The following GAS2 variants were observed in gnomAD, a reference collection of about 807,000 sequenced individuals.
GAS2 encodes growth arrest-specific protein 2.
In GAS2, 20 loss-of-function variants were observed where a neutral mutation model predicts 37.5. That is an observed-to-expected ratio of 0.53 (90% CI 0.37 to 0.77). The LOEUF is 0.77. Ranked by LOEUF, GAS2 falls within the 30% of genes least tolerant of loss-of-function variation. The pLI, the probability that GAS2 is intolerant of heterozygous loss-of-function variation, is 0.00. For synonymous variants in GAS2, 144 were observed against 132.2 expected, an observed-to-expected ratio of 1.09 and a Z score of -0.61; for missense variants, 336 against 373.4, an observed-to-expected ratio of 0.90 and a Z score of 0.82.
chr11:22,641,258 T>A (rs1311583199), intron 1 of GAS2, among the ~76,000 whole-genome samples: 4 of 144,006 alleles, frequency 2.8e-5, no homozygotes, highest in Non-Finnish European at 6.0e-5. Context: ...ATATATATCT[T>A]TATATATATA....
intron 7 of GAS2, among the ~76,000 whole-genome samples, chr11:22,763,964 A>G (rs186603841): frequency 6.6e-6 from 1 of 152,186 alleles, no homozygotes; most frequent in Non-Finnish European, 1.5e-5. Flanking sequence ...TTGCTTCACT[A>G]AAGACACTCT....
At chr11:22,783,653 C>CT (rs1025114419) in intron 7 of GAS2, among the ~76,000 whole-genome samples, 1 of 151,482 alleles carries the variant, frequency 6.6e-6, no homozygotes, top group Admixed American at 6.6e-5. Flanking sequence ...CACTTACTTA[C>CT]TTTTTTTGAG....
intron 5 of GAS2, among the ~76,000 whole-genome samples, chr11:22,738,235 GAT>G (rs1852858021): frequency 6.6e-6 from 1 of 152,142 alleles, no homozygotes; most frequent in Admixed American, 6.5e-5. Context: ...TGACTAGGAT[GAT>G]AGTTTTAAAA....
chr11:22,783,428 T>C (rs536872892), intron 7 of GAS2, among the ~76,000 whole-genome samples: 1 of 152,320 alleles, frequency 6.6e-6, no homozygotes, highest in Admixed American at 6.5e-5. Flanking sequence ...TCTTCTTTCG[T>C]AGAAGCTCTT....
At chr11:22,655,264 G>A (rs927076504) in intron 1 of GAS2, among the ~76,000 whole-genome samples, 8 of 152,110 alleles carry the variant, frequency 5.3e-5, no homozygotes, top group African/African-American at 1.7e-4. Flanking sequence ...CTCTCCCATG[G>A]AATGTCATCT....
intron 1 of GAS2, among the ~76,000 whole-genome samples, chr11:22,650,602 C>T (rs1462397002): frequency 6.8e-6 from 1 of 147,830 alleles, no homozygotes; most frequent in African/African-American, 2.5e-5. Flanking sequence ...CTGGGTGCTC[C>T]TGTATTGGGT....
chr11:22,678,817 T>C (rs1849550500), intron 2 of GAS2, among the ~76,000 whole-genome samples: 1 of 152,036 alleles, frequency 6.6e-6, no homozygotes, highest in Non-Finnish European at 1.5e-5. Context: ...TGTTAGTTCA[T>C]AAACCAGTGT....
intron 7 of GAS2, among the ~76,000 whole-genome samples, chr11:22,784,093 G>A (rs981590601): frequency 2.6e-5 from 4 of 152,012 alleles, no homozygotes; most frequent in Admixed American, 6.6e-5. Flanking sequence ...CTCTGGCATT[G>A]TTCTTTTTGC....
intron 3 of GAS2, among the ~76,000 whole-genome samples, chr11:22,691,687 G>T (rs1490282009): frequency 1.3e-5 from 2 of 152,118 alleles, no homozygotes; most frequent in East Asian, 3.9e-4. Context: ...GATGTAGAAA[G>T]AAATAATTTT....
chr11:22,791,252 G>T (rs1207381091), intron 7 of GAS2, among the ~76,000 whole-genome samples: 1 of 152,118 alleles, frequency 6.6e-6, no homozygotes, highest in Non-Finnish European at 1.5e-5. Context: ...GAGGGGATGG[G>T]GGTGTCTCTA....
At chr11:22,732,581 A>G (rs1249021960) in intron 4 of GAS2, among the ~76,000 whole-genome samples, 2 of 151,820 alleles carry the variant, frequency 1.3e-5, no homozygotes, top group African/African-American at 4.8e-5. Context: ...TTTATCACCT[A>G]CATTTAACCT....
intron 3 of GAS2, among the ~76,000 whole-genome samples, chr11:22,718,009 T>G (rs533127345): frequency 6.6e-6 from 1 of 152,230 alleles, no homozygotes; most frequent in South Asian, 2.1e-4. Flanking sequence ...AACACTTTTT[T>G]TTACTGCTGG....
At chr11:22,651,529 CA>C (rs1848775683) in intron 1 of GAS2, among the ~76,000 whole-genome samples, 1 of 152,158 alleles carries the variant, frequency 6.6e-6, no homozygotes, top group African/African-American at 2.4e-5. Context: ...AACTTGGTTC[CA>C]TTCTCCTCGT....
chr11:22,746,232 G>C (rs758368161), intron 5 of GAS2, among the ~76,000 whole-genome samples: 1 of 152,056 alleles, frequency 6.6e-6, no homozygotes, highest in Non-Finnish European at 1.5e-5. Context: ...TGGTGAAGCT[G>C]CTGAGACAAG....
At chr11:22,793,027 A>C (rs1487280824) in intron 7 of GAS2, among the ~76,000 whole-genome samples, 1 of 152,188 alleles carries the variant, frequency 6.6e-6, no homozygotes, top group Non-Finnish European at 1.5e-5. Context: ...TAATCCCAGC[A>C]CTTTGAGAGG....
At chr11:22,779,462 C>T (rs1855439859) in intron 7 of GAS2, among the ~76,000 whole-genome samples, 1 of 152,160 alleles carries the variant, frequency 6.6e-6, no homozygotes, top group South Asian at 2.1e-4. Flanking sequence ...CTTTGGGAGG[C>T]CAAGGCAGGC....
intron 6 of GAS2, among the ~76,000 whole-genome samples, chr11:22,753,044 G>A (rs1853832876): frequency 1.3e-5 from 2 of 152,200 alleles, no homozygotes; most frequent in South Asian, 2.1e-4. Flanking sequence ...GTTGAATACA[G>A]TTCTCAGAAA....
intron 7 of GAS2, among the ~76,000 whole-genome samples, chr11:22,786,555 C>T (rs546970236): frequency 9.9e-5 from 15 of 152,226 alleles, no homozygotes; most frequent in South Asian, 4.2e-4. Flanking sequence ...TATCTCAAGA[C>T]GTGTCTTGAA....
intron 7 of GAS2, among the ~76,000 whole-genome samples, chr11:22,807,309 A>G (rs1162189043): frequency 2.6e-5 from 4 of 152,232 alleles, no homozygotes; most frequent in African/African-American, 7.2e-5. Context: ...CTTCCAAGAG[A>G]AAGAAACCTC....
Sources: allele counts gnomAD v4.1 joint callset (sites outside exome capture counted in the v4.1 genomes callset), GRCh38; gene constraint gnomAD v4.1.1; transcripts MANE v1.5; gene names NCBI Gene and HGNC (gene_info 2026-07-23, HGNC 2026-07-21).